Variants in RANBP1 observed in about 807,000 individuals in gnomAD.
The protein encoded by RANBP1 is RAN binding protein 1, also known as ran-specific GTPase-activating protein.
In RANBP1, 16 loss-of-function variants were observed where a neutral mutation model predicts 31.4. The ratio of observed to expected loss-of-function variants is 0.51; its 90% CI spans 0.34 to 0.77. The LOEUF (loss-of-function observed/expected upper bound fraction) is 0.77, where lower values mean the gene tolerates loss of function less well. Ranked by LOEUF, RANBP1 falls within the 30% of genes least tolerant of loss-of-function variation. RANBP1 has a pLI of 0.01. For synonymous variants in RANBP1, 129 were observed against 140.5 expected (o/e 0.92, Z 0.58); for missense variants, 265 against 362.0 (o/e 0.73, Z 2.17).
intron 1 of RANBP1, chr22:20,118,316 ATG>A: frequency 3.0e-6 from 3 of 1,002,376 alleles, no homozygotes; most frequent in Non-Finnish European, 3.6e-6. Flanking sequence ...TGACCAAGGC[ATG>A]TGTTCTGGAA....
At position 20,125,372 on chromosome 22, in the gene RANBP1, C is replaced by T. The variant is rs776404731; in HGVS notation, c.606C>T (p.His202=). 17 of 1,611,760 alleles carry T rather than the reference C, an allele frequency of 1.1e-5. No individual in the cohort carries two copies. The highest frequency in any genetic ancestry group is 1.3e-5 in the Non-Finnish European group (15 of 1,179,870). ...GSDRAWVWNT[H]ADFADECPKP... is the part of the protein sequence containing the mutation. Reference sequence around the variant, plus strand: ...ACCGTGCCTGGGTCTGGAACACCCACGCTGACTTCGCCGACGAGTGCCCCA... The same window carrying T: ...ACCGTGCCTGGGTCTGGAACACCCATGCTGACTTCGCCGACGAGTGCCCCA... The change falls in exon 4 of 6, where the codon CAC becomes CAT. Residue 202 remains histidine (H), a synonymous_variant. Transcript: ENST00000430524.
intron 5 of RANBP1, 198 bp from the exon 6 acceptor site, chr22:20,126,754 G>A (rs2147994897): frequency 1.5e-6 from 2 of 1,379,160 alleles, no homozygotes; most frequent in Middle Eastern, 1.9e-4. Flanking sequence ...CAGTGCTTGA[G>A]TGCATCCACC....
intron 2 of RANBP1, 30 bp downstream of exon 2, chr22:20,119,179 C>G (rs370280740): frequency 1.9e-6 from 3 of 1,602,448 alleles, no homozygotes; most frequent in South Asian, 2.2e-5. Flanking sequence ...AGAAATAGGA[C>G]TCTTTAAGGT....
chr22:20,118,022 G>T, intron 1 of RANBP1: 3 of 993,326 alleles, frequency 3.0e-6, no homozygotes, highest in East Asian at 1.1e-4. Flanking sequence ...CACTAGTACG[G>T]TGCATTTATT....
intron 1 of RANBP1, chr22:20,117,763 C>T (rs1455782091): frequency 1.6e-5 from 17 of 1,070,452 alleles, no homozygotes; most frequent in African/African-American, 1.2e-4. Context: ...CAACCTCCGC[C>T]GGCCTGCAGG....
chr22:20,119,248 C>T (rs2050123664), intron 2 of RANBP1, 99 bp downstream of exon 2: 4 of 1,213,032 alleles, frequency 3.3e-6, no homozygotes, highest in Non-Finnish European at 3.5e-6. Flanking sequence ...CAGACTGAGG[C>T]TGCTTAAAGA....
At chr22:20,117,564 G>A in intron 1 of RANBP1, 4 of 1,412,068 alleles carry the variant, frequency 2.8e-6, no homozygotes, top group Non-Finnish European at 2.8e-6. Flanking sequence ...GCCAGACGCG[G>A]AGGGAAGGAG....
In RANBP1 at chr22:20,126,299, A is replaced by G. The variant is rs1356830074; in HGVS notation, c.671-4A>G. ...TTAGGAAGTCTTCGCTCTCCCTTCC[A>G]CAGATGCACAGAAATTCAAAACAAA... On this transcript the variant is annotated splice_region_variant and splice_polypyrimidine_tract_variant and intron_variant, in intron 4 of 5. Coordinates refer to ENST00000430524, the MANE Select transcript of RANBP1 (RefSeq NM_001278639.2). The G allele has an allele frequency of 1.7e-5, 28 of 1,612,550 alleles. No homozygotes were observed. Among genetic ancestry groups the G allele is most frequent in the Non-Finnish European group, 2.2e-5 (26 of 1,179,290 alleles).
At chr22:20,121,883 C>T (rs144171132) in intron 2 of RANBP1, among the ~76,000 whole-genome samples, 105 of 138,814 alleles carry the variant, frequency 7.6e-4, no homozygotes, top group African/African-American at 2.5e-3. Flanking sequence ...GGATTACAGG[C>T]GTGCATCACC....
In RANBP1 at chr22:20,127,055, C is replaced by T. The variant is rs868441154; in HGVS notation, c.*3C>T. The T allele has an allele frequency of 8.2e-6, 13 of 1,594,248 alleles. No homozygotes were observed. The highest frequency in any genetic ancestry group is 3.7e-4 in the Middle Eastern group (2 of 5,442). ...AGGATGCTGAGGAGAAGCAATAAAT[C>T]GTCTTATTTTATTTTCTTTTCCTCT... On this transcript the variant is annotated 3_prime_UTR_variant, in exon 6 of 6. Coordinates refer to ENST00000430524, the MANE Select transcript of RANBP1 (RefSeq NM_001278639.2).
At position 20,116,474 on chromosome 22, in the gene RANBP1, GCCCCGGCCCTGTAGCCGC is replaced by G. The variant is rs765356441; in HGVS notation, c.246+48_246+65del. On this transcript the variant is annotated intron_variant, in intron 1 of 5. Transcript: ENST00000430524. ...ATGTAGCTGTAGAGCCCGGGCTGAG[GCCCCGGCCCTGTAGCCGC>G]CCCAGCGCCCTCTTTCTCCACCTCC... 9 of 1,612,884 alleles carry G rather than the reference GCCCCGGCCCTGTAGCCGC, an allele frequency of 5.6e-6. No individual in the cohort carries two copies. In the East Asian group the frequency reaches 8.9e-5, roughly 16 times the overall value.
chr22:20,116,494 C>A (rs780053112), intron 1 of RANBP1, 64 bp downstream of exon 1: 1 of 1,612,780 alleles, frequency 6.2e-7, no homozygotes, highest in Non-Finnish European at 8.5e-7. Context: ...TGTAGCCGCC[C>A]CAGCGCCCTC....
chr22:20,117,948 C>A, intron 1 of RANBP1: 1 of 1,007,672 alleles, frequency 9.9e-7, no homozygotes, highest in Non-Finnish European at 1.2e-6. Flanking sequence ...CGCGGGACGG[C>A]CCCAGCCTCC....
chr22:20,121,084 GC>G (rs2050159838), intron 2 of RANBP1, among the ~76,000 whole-genome samples: 1 of 152,206 alleles, frequency 6.6e-6, no homozygotes, highest in Non-Finnish European at 1.5e-5. Context: ...TTCTTGAATA[GC>G]TGGGGCTATA....
intron 2 of RANBP1, among the ~76,000 whole-genome samples, 187 bp from the exon 3 acceptor site, chr22:20,122,077 C>T (rs1196850316): frequency 6.6e-6 from 1 of 151,308 alleles, no homozygotes; most frequent in Non-Finnish European, 1.5e-5. Flanking sequence ...TCAAGATGAC[C>T]TGGAGTTTGT....
intron 2 of RANBP1, among the ~76,000 whole-genome samples, chr22:20,119,762 AC>A (rs1242348455): frequency 7.2e-5 from 11 of 152,006 alleles, no homozygotes; most frequent in Non-Finnish European, 1.2e-4. Flanking sequence ...TGATCTGCCC[AC>A]CCCAGCCTCC....
At chr22:20,118,289 T>G (rs2050092562) in intron 1 of RANBP1, 1 of 1,002,456 alleles carries the variant, frequency 1.0e-6, no homozygotes, top group Middle Eastern at 2.8e-4. Flanking sequence ...GTCTTGGGTC[T>G]CTTACGGACT....
chr22:20,117,161 C>T (rs2050052895), intron 1 of RANBP1: 1 of 556,580 alleles, frequency 1.8e-6, no homozygotes, highest in Non-Finnish European at 3.0e-6. Context: ...GGGCCCGCGC[C>T]GGCCGCTCGC....
At chr22:20,117,149 A>G in intron 1 of RANBP1, 2 of 564,218 alleles carry the variant, frequency 3.5e-6, no homozygotes, top group Admixed American at 4.0e-5. Flanking sequence ...CCCGCCCGCC[A>G]GGGGCCCGCG....
Sources: gnomAD v4.1 joint callset for allele counts (sites outside exome capture counted in the v4.1 genomes callset) on GRCh38, gnomAD v4.1.1 for gene constraint, MANE v1.5 for transcripts, NCBI Gene and HGNC (gene_info 2026-07-23, HGNC 2026-07-21) for gene names.